ST18: variants seen among roughly 807,000 people sequenced by gnomAD.
ST18 encodes suppression of tumorigenicity 18 protein.
Under a neutral mutation model 110.0 loss-of-function variants are expected in ST18, and 50 were observed. The observed-to-expected ratio is 0.45, with a 90% CI of 0.36 to 0.58. The LOEUF is 0.58. ST18 is among the 20% of genes least tolerant of loss of function. The pLI, the probability that ST18 is intolerant of heterozygous loss-of-function variation, is 0.00. For synonymous variants in ST18, 461 were observed against 452.4 expected, an observed-to-expected ratio of 1.02 and a Z score of -0.24; for missense variants, 1,306 against 1,280.1, an observed-to-expected ratio of 1.02 and a Z score of -0.31.
intron 3 of ST18, chr8:52,229,635 A>G (rs911640487): frequency 2.0e-5 from 3 of 152,224 alleles, no homozygotes; most frequent in African/African-American, 7.2e-5. Flanking sequence ...AAATAGGATA[A>G]TCTCAAAGGT....
chr8:52,326,709 G>T (rs976472228), intron 2 of ST18, among the ~76,000 whole-genome samples: 9 of 152,178 alleles, frequency 5.9e-5, no homozygotes, highest in African/African-American at 2.2e-4. Flanking sequence ...AAGCCATAGG[G>T]AGTGCATGAT....
At chr8:52,272,597 C>A (rs1337156351) in intron 2 of ST18, among the ~76,000 whole-genome samples, 1 of 149,194 alleles carries the variant, frequency 6.7e-6, no homozygotes, top group Non-Finnish European at 1.5e-5. Context: ...GAAAAGGGAA[C>A]CCTTGTATAC....
At chr8:52,351,141 T>C (rs568395983) in intron 2 of ST18, among the ~76,000 whole-genome samples, 151 of 152,326 alleles carry the variant, frequency 9.9e-4, no homozygotes, top group Non-Finnish European at 1.7e-3. Context: ...TATCAAAATA[T>C]ATTTATTTTC....
chr8:52,170,503 G>T (rs1017491111), intron 10 of ST18, among the ~76,000 whole-genome samples: 1 of 148,764 alleles, frequency 6.7e-6, no homozygotes, highest in Admixed American at 6.7e-5. Context: ...AATAAAAATG[G>T]AGAAATGATA....
At chr8:52,291,108 T>A (rs1201339337) in intron 2 of ST18, among the ~76,000 whole-genome samples, 1 of 152,250 alleles carries the variant, frequency 6.6e-6, no homozygotes, top group Non-Finnish European at 1.5e-5. Flanking sequence ...TTTCTGCTTA[T>A]GGAGGAATCT....
chr8:52,192,299 G>A (rs894417683), intron 8 of ST18, among the ~76,000 whole-genome samples: 1 of 152,188 alleles, frequency 6.6e-6, no homozygotes, highest in African/African-American at 2.4e-5. Flanking sequence ...GAACTTGATT[G>A]GAACTGACAC....
intron 2 of ST18, among the ~76,000 whole-genome samples, chr8:52,233,676 G>A (rs903593528): frequency 4.6e-5 from 7 of 152,194 alleles, no homozygotes; most frequent in East Asian, 1.9e-4. Context: ...CAGGCGTTTC[G>A]TCCAATGCTT....
At position 52,172,203 on chromosome 8, in the gene ST18, T is replaced by C. The variant is rs1291805147; in HGVS notation, c.658A>G (p.Lys220Glu). 1 of 1,614,206 alleles carries C rather than the reference T, an allele frequency of 6.2e-7. No homozygotes were observed. The highest frequency in any genetic ancestry group is 8.5e-7 in the Non-Finnish European group (1 of 1,180,038). Residue 220 changes from lysine (K) to glutamate (E), a missense_variant, in exon 10 of 26, where the codon AAG becomes GAG. By Grantham distance (56) the Lys-to-Glu change is moderately conservative. Transcript: ENST00000689386. ...SEETKPPRVPKYVLTDHKKDL... is the reference protein window; with the variant it reads ...SEETKPPRVPEYVLTDHKKDL... ...TTTTTATGATCTGTTAAAACATACTTTGGGACTCTAGGTGGTTTGGTTTCT... is the reference window on the plus strand; with the variant it reads ...TTTTTATGATCTGTTAAAACATACTCTGGGACTCTAGGTGGTTTGGTTTCT...
At chr8:52,327,446 T>G (rs1021239228) in intron 2 of ST18, among the ~76,000 whole-genome samples, 1 of 152,218 alleles carries the variant, frequency 6.6e-6, no homozygotes, top group Non-Finnish European at 1.5e-5. Flanking sequence ...ATGAAGGACA[T>G]AGTTGAAAAT....
intron 2 of ST18, among the ~76,000 whole-genome samples, chr8:52,288,566 G>A (rs774869306): frequency 4.0e-5 from 6 of 151,536 alleles, no homozygotes; most frequent in South Asian, 2.1e-4. Flanking sequence ...TGGGCGTGGC[G>A]GCACTCACCT....
intron 2 of ST18, among the ~76,000 whole-genome samples, chr8:52,363,479 C>T (rs908791542): frequency 3.9e-5 from 6 of 152,110 alleles, no homozygotes; most frequent in African/African-American, 1.4e-4. Flanking sequence ...GTGAATTATA[C>T]ACACCATAGA....
chr8:52,234,423 C>T (rs116721283), intron 2 of ST18, among the ~76,000 whole-genome samples: 1,768 of 152,130 alleles, frequency 0.012, 38 homozygotes, highest in African/African-American at 0.041. Context: ...TGCCACCGCA[C>T]CCGGCTATTT....
intron 2 of ST18, among the ~76,000 whole-genome samples, chr8:52,326,397 TG>T (rs1294592357): frequency 1.3e-5 from 2 of 152,144 alleles, no homozygotes; most frequent in African/African-American, 4.8e-5. Context: ...AAATGTTTAT[TG>T]GTGTGACCTT....
chr8:52,356,517 G>A (rs1337121162), intron 2 of ST18, among the ~76,000 whole-genome samples: 1 of 152,120 alleles, frequency 6.6e-6, no homozygotes, highest in African/African-American at 2.4e-5. Flanking sequence ...CTGATTTACA[G>A]AGTTGTCACA....
chr8:52,346,863 A>G (rs1462615176), intron 2 of ST18, among the ~76,000 whole-genome samples: 1 of 152,172 alleles, frequency 6.6e-6, no homozygotes. Context: ...AAACAATGGG[A>G]GATGAACAAT....
At chr8:52,262,454 C>G (rs1294239650) in intron 2 of ST18, among the ~76,000 whole-genome samples, 1 of 152,194 alleles carries the variant, frequency 6.6e-6, no homozygotes, top group Non-Finnish European at 1.5e-5. Flanking sequence ...TTCCCTTCTA[C>G]CGACTTCACA....
intron 2 of ST18, among the ~76,000 whole-genome samples, chr8:52,285,180 C>G (rs191713319): frequency 1.5e-4 from 23 of 152,238 alleles, no homozygotes; most frequent in African/African-American, 5.5e-4. Context: ...GGATTTGGTA[C>G]CCATTACATG....
In ST18 at chr8:52,147,229, T is replaced by C. The variant is rs150821463; in HGVS notation, c.2052+2503A>G. ...AATGAAACACTGTCCCAGATATATA[T>C]GCATGAGAAAAAAACAGACTCAAGT... On this transcript the variant is annotated intron_variant, in intron 16 of 25. Transcript: ENST00000689386. 4.5e-3 allele frequency among the ~76,000 whole-genome samples: 681 copies of C among 152,256 alleles called. 9 individuals carry two copies. Among genetic ancestry groups the C allele is most frequent in the African/African-American group, 0.015 (630 of 41,538 alleles).
intron 24 of ST18, among the ~76,000 whole-genome samples, chr8:52,116,850 C>G (rs2042738804): frequency 1.3e-5 from 2 of 152,076 alleles, no homozygotes; most frequent in Non-Finnish European, 2.9e-5. Flanking sequence ...GACCACTGTC[C>G]CCTCCACTCT....
Sources: allele counts gnomAD v4.1 joint callset (sites outside exome capture counted in the v4.1 genomes callset), GRCh38; gene constraint gnomAD v4.1.1; transcripts MANE v1.5; gene names NCBI Gene and HGNC (gene_info 2026-07-23, HGNC 2026-07-21).